The following CRTC1 variants were observed in gnomAD, a reference collection of about 807,000 sequenced individuals.
The protein encoded by CRTC1 is CREB-regulated transcription coactivator 1.
In CRTC1, 18 loss-of-function variants were observed where a neutral mutation model predicts 66.1. That is an observed-to-expected ratio of 0.27 (90% CI 0.19 to 0.40). The LOEUF (loss-of-function observed/expected upper bound fraction) is 0.40, where lower values mean the gene tolerates loss of function less well. Among genes scored for constraint, CRTC1 ranks in the 10% least tolerant of loss-of-function variants. The pLI, the probability that CRTC1 is intolerant of heterozygous loss-of-function variation, is 1.00. For missense variants in CRTC1, 669 were observed against 887.9 expected (o/e 0.75, Z 3.13); for synonymous variants, 416 against 398.8 (o/e 1.04, Z -0.51).
chr19:18,691,924 G>A (rs990107116), intron 1 of CRTC1, among the ~76,000 whole-genome samples: 3 of 152,048 alleles, frequency 2.0e-5, no homozygotes, highest in Non-Finnish European at 2.9e-5. Flanking sequence ...TATTGGCCAG[G>A]CCGATCTCGA....
intron 1 of CRTC1, among the ~76,000 whole-genome samples, chr19:18,701,928 T>TG (rs1026685215): frequency 5.4e-5 from 8 of 148,974 alleles, no homozygotes; most frequent in African/African-American, 2.0e-4. Flanking sequence ...TTTTGTTTTT[T>TG]TTTTTTTTTT....
Position 18,768,414 on chromosome 19 carries a change from C to G in CRTC1, c.1012-71C>G. The G allele has an allele frequency of 7.4e-7, 1 of 1,347,870 alleles. No homozygotes were observed. Among genetic ancestry groups the G allele is most frequent in the South Asian group, 1.3e-5 (1 of 79,954 alleles). The allele number at this position is 1,347,870 out of a possible 1,614,324, so 83.5% of individuals were successfully genotyped here. ...CACCTCGCCTGCTGAGCATGCCAGG[C>G]TATGGGGGCCCGAGGGGGCCAGGCG... On this transcript the variant is annotated intron_variant, in intron 9 of 13. Coordinates refer to ENST00000321949, the MANE Select transcript of CRTC1 (RefSeq NM_015321.3). This position sits in a 1 kb window ranked among gnomAD's most constrained non-coding sequence, Gnocchi z 5.6.
chr19:18,774,622 G>A (rs2054941600), intron 11 of CRTC1, among the ~76,000 whole-genome samples: 1 of 152,218 alleles, frequency 6.6e-6, no homozygotes, highest in Admixed American at 6.5e-5. Context: ...CCCTGTGATG[G>A]AGATAGAGGC....
In CRTC1 at chr19:18,741,836, A is replaced by G. The variant is rs2054117334; in HGVS notation, c.127-1074A>G. 6.6e-6 allele frequency among the ~76,000 whole-genome samples: 1 copy of G among 152,210 alleles called. No homozygotes were observed. The highest frequency in any genetic ancestry group is 1.5e-5 in the Non-Finnish European group (1 of 68,024). On this transcript the variant is annotated intron_variant, in intron 1 of 13. Coordinates refer to ENST00000321949, the MANE Select transcript of CRTC1 (RefSeq NM_015321.3). The surrounding 1 kb of genome is among the most constrained non-coding windows in gnomAD (Gnocchi z 4.2). The stretch of plus-strand genomic sequence containing the variant: ...GAGGTGCTCAGCCGGGCAGGTGGCC[A>G]GTTCCCGGGCTTTACTTCCGCCTCC...
In CRTC1 at chr19:18,768,664, C is replaced by T. The variant is rs1274117059; in HGVS notation, c.1191C>T (p.Pro397=). 6 of 1,548,980 alleles carry T rather than the reference C, an allele frequency of 3.9e-6. No individual in the cohort carries two copies. The highest frequency in any genetic ancestry group is 5.2e-6 in the Non-Finnish European group (6 of 1,146,730). ...QAPVRLPPGG[P]LLPSASLTRG... is the part of the protein sequence containing the mutation. Reference sequence around the variant, plus strand: ...CCGTCCGCCTGCCCCCTGGTGGCCCCCTGTTGCCCAGCGCCAGCCTGACTC... The same window carrying T: ...CCGTCCGCCTGCCCCCTGGTGGCCCTCTGTTGCCCAGCGCCAGCCTGACTC... The change falls in exon 10 of 14, where the codon CCC becomes CCT. Residue 397 remains proline (P), a synonymous_variant. Transcript: ENST00000321949. This position sits in a 1 kb window ranked among gnomAD's most constrained non-coding sequence, Gnocchi z 5.6.
At chr19:18,739,714 G>A (rs73538000) in intron 1 of CRTC1, among the ~76,000 whole-genome samples, 1,601 of 152,254 alleles carry the variant, frequency 0.011, 41 homozygotes, top group African/African-American at 0.037. Flanking sequence ...ACATCTGGCC[G>A]TTCTTCCAGC....
intron 1 of CRTC1, among the ~76,000 whole-genome samples, chr19:18,704,016 G>A (rs2053205754): frequency 6.6e-6 from 1 of 152,226 alleles, no homozygotes; most frequent in South Asian, 2.1e-4. Flanking sequence ...GGTGTTTTGT[G>A]GAATGTCCTT....
intron 4 of CRTC1, 109 bp from the exon 5 acceptor site, chr19:18,749,672 T>C: frequency 1.1e-6 from 1 of 886,674 alleles, no homozygotes; most frequent in South Asian, 1.4e-5. Context: ...CTCACAAAAA[T>C]GATCCACAGC....
At chr19:18,738,844 T>C (rs561762563) in intron 1 of CRTC1, among the ~76,000 whole-genome samples, 30 of 152,258 alleles carry the variant, frequency 2.0e-4, no homozygotes, top group African/African-American at 7.2e-4. Context: ...GCTGGTGCGA[T>C]TGTGACTTGG....
chr19:18,715,659 C>T (rs2053490739), intron 1 of CRTC1, among the ~76,000 whole-genome samples: 1 of 152,226 alleles, frequency 6.6e-6, no homozygotes, highest in South Asian at 2.1e-4. Context: ...CCTGTCCTCC[C>T]CTCTTCCCCT....
At position 18,775,682 on chromosome 19, in the gene CRTC1, C is replaced by T; in HGVS notation, c.1554C>T (p.Ser518=). 1.2e-6 allele frequency: 2 copies of T among 1,609,414 alleles called. No homozygotes were observed. The highest frequency in any genetic ancestry group is 3.3e-4 in the Middle Eastern group (2 of 6,022). The change falls in exon 13 of 14, where the codon AGC becomes AGT. Residue 518 remains serine, a synonymous_variant. Transcript: ENST00000321949. ...FNMMENAISS[S]SLYSPGSTLN... ...TGATGGAGAACGCCATCAGCTCCAG[C>T]AGCCTGTACAGCCCGGGCTCCACAC... is the stretch of plus-strand genomic sequence containing the variant.
chr19:18,725,126 T>G (rs896201385), intron 1 of CRTC1, among the ~76,000 whole-genome samples: 18 of 152,088 alleles, frequency 1.2e-4, no homozygotes, highest in African/African-American at 3.9e-4. Context: ...CTCAGTATCT[T>G]TTCTTCATAG....
At chr19:18,752,928 A>T (rs1455572089) in intron 5 of CRTC1, among the ~76,000 whole-genome samples, 1 of 149,796 alleles carries the variant, frequency 6.7e-6, no homozygotes, top group African/African-American at 2.4e-5. Context: ...GTGAGCCACC[A>T]CGCCCAGCCT....
intron 6 of CRTC1, among the ~76,000 whole-genome samples, chr19:18,758,578 G>C (rs1408634386): frequency 6.6e-6 from 1 of 152,124 alleles, no homozygotes; most frequent in African/African-American, 2.4e-5. Context: ...TGGGGGATGA[G>C]TGTGGCTGCC....
rs2055041175 is a variant in CRTC1 at position 18,778,379 on chromosome 19, T to C, written c.*997T>C. 1 of 232,814 alleles carries C rather than the reference T, an allele frequency of 4.3e-6. No individual in the cohort carries two copies. The highest frequency in any genetic ancestry group is 2.2e-5 in the African/African-American group (1 of 45,338). 14.4% of individuals were successfully genotyped at this position (232,814 alleles called of 1,614,324 possible). ...CAACACTTGCCTGAGAGCATGTTTT[T>C]ATTTCAGAAATCCAACTTTACCTAT... On this transcript the variant is annotated 3_prime_UTR_variant, in exon 14 of 14. Transcript: ENST00000321949.
intron 4 of CRTC1, among the ~76,000 whole-genome samples, chr19:18,747,786 G>C (rs2054278589): frequency 6.6e-6 from 1 of 152,016 alleles, no homozygotes; most frequent in Non-Finnish European, 1.5e-5. Context: ...GGAAGATTAG[G>C]AAAAATACAG....
intron 1 of CRTC1, among the ~76,000 whole-genome samples, chr19:18,692,470 A>ACG (rs2145482494): frequency 6.6e-6 from 1 of 152,082 alleles, no homozygotes; most frequent in East Asian, 1.9e-4. Context: ...GCATGGTGGC[A>ACG]TGCACCTGTA....
chr19:18,749,914 G>A (rs776622413), intron 5 of CRTC1, 39 bp downstream of exon 5: 4 of 1,515,106 alleles, frequency 2.6e-6, no homozygotes, highest in Non-Finnish European at 3.7e-6. Context: ...CTGGGGTGAG[G>A]CAAGTCCAGC....
intron 2 of CRTC1, among the ~76,000 whole-genome samples, chr19:18,745,414 A>G (rs925869766): frequency 6.6e-6 from 1 of 152,280 alleles, no homozygotes; most frequent in South Asian, 2.1e-4. Flanking sequence ...GGGATGACGT[A>G]GGTGGGGGTA....
Sources: allele counts gnomAD v4.1 joint callset (sites outside exome capture counted in the v4.1 genomes callset), GRCh38; gene constraint gnomAD v4.1.1; non-coding constraint Gnocchi (gnomAD v3.1); transcripts MANE v1.5; gene names NCBI Gene and HGNC (gene_info 2026-07-23, HGNC 2026-07-21).